TOMM70: variants seen among roughly 807,000 people sequenced by gnomAD.
TOMM70 encodes translocase of outer mitochondrial membrane 70, also known as mitochondrial import receptor subunit TOM70.
In TOMM70, 13 loss-of-function variants were observed where a neutral mutation model predicts 73.6. The ratio of observed to expected loss-of-function variants is 0.18; its 90% confidence interval spans 0.11 to 0.28. The LOEUF (loss-of-function observed/expected upper bound fraction) is 0.28, where lower values mean the gene tolerates loss of function less well. Ranked by LOEUF, TOMM70 falls within the 10% of genes least tolerant of loss-of-function variation. TOMM70 has a pLI of 1.00. For missense variants in TOMM70, 609 were observed against 747.5 expected (o/e 0.81, Z 2.16); for synonymous variants, 257 against 271.2 (o/e 0.95, Z 0.51).
At chr3:100,377,120 G>A (rs1049889335) in intron 6 of TOMM70, among the ~76,000 whole-genome samples, 5 of 152,088 alleles carry the variant, frequency 3.3e-5, no homozygotes, top group African/African-American at 1.2e-4. Flanking sequence ...AAACTAATAA[G>A]TAATATAGTT....
intron 1 of TOMM70, among the ~76,000 whole-genome samples, chr3:100,397,914 T>C (rs1706843283): frequency 1.3e-5 from 2 of 151,516 alleles, no homozygotes; most frequent in South Asian, 4.2e-4. Flanking sequence ...TTTGTAAAAC[T>C]AAAAAACTCT....
rs1706669632 is a variant in TOMM70, at chr3:100,384,608, C to T, written c.626-20G>A. 6 of 1,485,018 alleles carry T rather than the reference C, an allele frequency of 4.0e-6. No individual in the cohort carries two copies. In the East Asian group the frequency reaches 1.4e-4, roughly 35 times the overall value. The allele number at this position is 1,485,018 out of a possible 1,614,324, so 92.0% of individuals were successfully genotyped here. ...TGACATCTAGAAATGATGAAAAACA[C>T]AAGGGTAAATATAAAATTATTGCAA... On this transcript the variant is annotated intron_variant, in intron 3 of 11. Coordinates refer to ENST00000284320, the MANE Select transcript of TOMM70 (RefSeq NM_014820.5).
At chr3:100,391,424 G>A (rs1706760470) in intron 1 of TOMM70, among the ~76,000 whole-genome samples, 1 of 152,138 alleles carries the variant, frequency 6.6e-6, no homozygotes, top group Non-Finnish European at 1.5e-5. Flanking sequence ...GAGGAGGACA[G>A]GGATACTGAT....
chr3:100,377,254 G>T (rs1185160494), intron 6 of TOMM70, among the ~76,000 whole-genome samples: 1 of 152,188 alleles, frequency 6.6e-6, no homozygotes, highest in African/African-American at 2.4e-5. Context: ...ATGAAAGGCT[G>T]TTCCAACTGT....
At chr3:100,366,368 C>T (rs904281611) in intron 11 of TOMM70, among the ~76,000 whole-genome samples, 1 of 152,202 alleles carries the variant, frequency 6.6e-6, no homozygotes, top group Admixed American at 6.5e-5. Flanking sequence ...GTATTAGCTA[C>T]ATATATATGC....
In TOMM70 at chr3:100,365,518, AG is replaced by A. The variant is rs1314397443; in HGVS notation, c.*45del. ...CAGTGTCTTTAGGGTTCAGTTGAAG[AG>A]GGGGTAAACTTTTAAAAAGAGGGTC... On this transcript the variant is annotated 3_prime_UTR_variant, in exon 12 of 12. Transcript: ENST00000284320. The A allele has an allele frequency of 1.2e-6, 2 of 1,611,928 alleles. No individual in the cohort carries two copies. Among genetic ancestry groups the A allele is most frequent in the Non-Finnish European group, 8.5e-7 (1 of 1,178,410 alleles).
chr3:100,387,124 G>T, intron 1 of TOMM70, 146 bp from the exon 2 acceptor site: 2 of 820,632 alleles, frequency 2.4e-6, no homozygotes, highest in Non-Finnish European at 3.7e-6. Context: ...TCATGGAATA[G>T]ATTCTAACTA....
intron 6 of TOMM70, among the ~76,000 whole-genome samples, chr3:100,376,943 A>G (rs1559831606): frequency 6.6e-6 from 1 of 152,224 alleles, no homozygotes; most frequent in Non-Finnish European, 1.5e-5. Flanking sequence ...ATAATATTAA[A>G]GATAATATTA....
chr3:100,391,731 A>G (rs930599763), intron 1 of TOMM70, among the ~76,000 whole-genome samples: 1 of 152,230 alleles, frequency 6.6e-6, no homozygotes, highest in African/African-American at 2.4e-5. Context: ...GTTACTAAAA[A>G]AAGTTAAAAA....
intron 5 of TOMM70, 119 bp downstream of exon 5, chr3:100,381,496 A>G (rs1706633126): frequency 5.1e-6 from 3 of 590,704 alleles, no homozygotes; most frequent in African/African-American, 1.9e-5. Flanking sequence ...ATTTCTGTCT[A>G]TCTCTATCTG....
Position 100,365,521 on chromosome 3 carries a change from G to T in TOMM70, c.*43C>A. The T allele has an allele frequency of 2.5e-6, 4 of 1,612,890 alleles. No homozygotes were observed. Among genetic ancestry groups the T allele is most frequent in the Non-Finnish European group, 3.4e-6 (4 of 1,179,098 alleles). On this transcript the variant is annotated 3_prime_UTR_variant, in exon 12 of 12. Coordinates refer to ENST00000284320, the MANE Select transcript of TOMM70 (RefSeq NM_014820.5). ...TGTCTTTAGGGTTCAGTTGAAGAGG[G>T]GGTAAACTTTTAAAAAGAGGGTCAG...
intron 11 of TOMM70, among the ~76,000 whole-genome samples, chr3:100,367,487 G>A (rs1016590843): frequency 2.0e-5 from 3 of 152,130 alleles, no homozygotes; most frequent in Admixed American, 1.3e-4. Context: ...GTAAACCTAA[G>A]CCCTCTGGGC....
chr3:100,389,331 C>T (rs1706732931), intron 1 of TOMM70, among the ~76,000 whole-genome samples: 1 of 151,920 alleles, frequency 6.6e-6, no homozygotes, highest in Admixed American at 6.6e-5. Flanking sequence ...AAATAAACCC[C>T]CAAATAGGGA....
At chr3:100,374,428 G>T (rs1706541677) in intron 7 of TOMM70, among the ~76,000 whole-genome samples, 2 of 152,064 alleles carry the variant, frequency 1.3e-5, no homozygotes, top group African/African-American at 4.8e-5. Context: ...AAGAACTTCG[G>T]CTCTTCTGTT....
At chr3:100,367,873 A>G (rs9874663) in intron 11 of TOMM70, among the ~76,000 whole-genome samples, 171 bp downstream of exon 11, 1,728 of 152,354 alleles carry the variant, frequency 0.011, 24 homozygotes, top group African/African-American at 0.039. Context: ...TTTTCTGGCA[A>G]CTTGGCTACC....
In TOMM70 at chr3:100,365,539, A is replaced by G. The variant is rs1198262823; in HGVS notation, c.*25T>C. 1.2e-6 allele frequency: 2 copies of G among 1,613,736 alleles called. No individual in the cohort carries two copies. Among genetic ancestry groups the G allele is most frequent in the Non-Finnish European group, 1.7e-6 (2 of 1,179,754 alleles). ...GAAGAGGGGGTAAACTTTTAAAAAGAGGGTCAGTCTGCTTTCCCCCTGTTT... is the reference window on the plus strand; with the variant it reads ...GAAGAGGGGGTAAACTTTTAAAAAGGGGGTCAGTCTGCTTTCCCCCTGTTT... On this transcript the variant is annotated 3_prime_UTR_variant, in exon 12 of 12. Transcript: ENST00000284320.
In TOMM70 at chr3:100,386,864, C is replaced by G; in HGVS notation, c.439G>C (p.Glu147Gln). 2 of 1,614,156 alleles carry G rather than the reference C, an allele frequency of 1.2e-6. No individual in the cohort carries two copies. The highest frequency in any genetic ancestry group is 2.2e-5 in the South Asian group (2 of 91,086). ...YTEAISLCPTEKNVDLSTFYQ... is the reference protein window; with the variant it reads ...YTEAISLCPTQKNVDLSTFYQ... ...AATGTAGAAAGGTCAACATTCTTCT[C>G]TGTAGGGCACAAGCTAATAGCCTCA... The change falls in exon 2 of 12, where the codon GAG (glutamate) becomes CAG (glutamine). Residue 147 changes from glutamate to glutamine, a missense_variant. Around this residue, in one of 2 missense-constraint regions of TOMM70, gnomAD observed 432 missense variants for 584.1 expected, o/e 0.74. Coordinates refer to ENST00000284320, the MANE Select transcript of TOMM70 (RefSeq NM_014820.5).
intron 5 of TOMM70, among the ~76,000 whole-genome samples, chr3:100,378,123 A>AG (rs1372220918): frequency 6.6e-6 from 1 of 151,996 alleles, no homozygotes; most frequent in Non-Finnish European, 1.5e-5. Context: ...GCATGCCTGT[A>AG]TCCCAGATAC....
intron 1 of TOMM70, among the ~76,000 whole-genome samples, chr3:100,394,321 T>C (rs1005366244): frequency 6.6e-6 from 1 of 151,946 alleles, no homozygotes; most frequent in Admixed American, 6.6e-5. Flanking sequence ...ACTTACTGTA[T>C]GAGAAACAAT....
Sources: gnomAD v4.1 joint callset for allele counts (sites outside exome capture counted in the v4.1 genomes callset) on GRCh38, gnomAD v4.1.1 for gene constraint, gnomAD v4.1.1 regional missense constraint, MANE v1.5 for transcripts, NCBI Gene and HGNC (gene_info 2026-07-23, HGNC 2026-07-21) for gene names.